Variants in SLC13A2 observed in about 807,000 individuals in gnomAD.
The protein encoded by SLC13A2 is Na(+)-coupled citrate transporter.
In SLC13A2, 40 loss-of-function variants were observed where a neutral mutation model predicts 58.5. The ratio of observed to expected loss-of-function variants is 0.68; its 90% CI spans 0.53 to 0.89. SLC13A2 has a LOEUF of 0.89. Ranked by LOEUF, SLC13A2 falls within the 40% of genes least tolerant of loss-of-function variation. The pLI is 0.00. For missense variants in SLC13A2, 694 were observed against 772.6 expected (o/e 0.90, Z 1.21); for synonymous variants, 341 against 331.6 (o/e 1.03, Z -0.31).
At chr17:28,480,807 G>A (rs931119935) in intron 1 of SLC13A2, among the ~76,000 whole-genome samples, 3 of 152,156 alleles carry the variant, frequency 2.0e-5, no homozygotes, top group Admixed American at 6.5e-5. Context: ...GTTCAAATGG[G>A]CTCTTGTGCT....
Position 28,477,186 on chromosome 17 carries a change from G to GTTTTTTTTT in SLC13A2, c.102+3378_102+3379insTTTTTTTTT, listed in dbSNP as rs1251199584. ...AAAAAAACAAATAAAAAACACCCAA[G>GTTTTTTTTT]TTTTTTGTTTTTTTTTTTTTTTTTT... On this transcript the variant is annotated intron_variant, in intron 1 of 11. Coordinates refer to ENST00000314669, the MANE Select transcript of SLC13A2 (RefSeq NM_003984.4). Among the ~76,000 whole-genome samples, 5 of 119,430 alleles carry GTTTTTTTTT rather than the reference G, an allele frequency of 4.2e-5. 1 individual carries two copies. Among genetic ancestry groups the GTTTTTTTTT allele is most frequent in the Non-Finnish European group, 8.6e-5 (5 of 57,894 alleles). The allele number at this position is 119,430 out of a possible 152,430, so 78.4% of individuals were successfully genotyped here.
chr17:28,477,840 C>T (rs2068716655), intron 1 of SLC13A2, among the ~76,000 whole-genome samples: 1 of 152,022 alleles, frequency 6.6e-6, no homozygotes, highest in Non-Finnish European at 1.5e-5. Context: ...GGCAGATCAC[C>T]TGAGGTCAGG....
intron 1 of SLC13A2, among the ~76,000 whole-genome samples, chr17:28,484,333 C>T (rs1358362626): frequency 1.3e-5 from 2 of 152,086 alleles, no homozygotes; most frequent in Non-Finnish European, 2.9e-5. Flanking sequence ...ATCTCAAGAA[C>T]CAGTAGATAT....
Position 28,491,523 on chromosome 17 carries a change from A to C in SLC13A2, c.661A>C (p.Met221Leu). ...GAAGCATCTCCACCTCACCCAGTGC[A>C]TGAGCCTGTGCGTGTGCTACTCCGC... is the stretch of plus-strand genomic sequence containing the variant. Reference protein sequence around the residue: ...SQKHLHLTQCMSLCVCYSASI... With the variant: ...SQKHLHLTQCLSLCVCYSASI... Residue 221 changes from methionine (M) to leucine (L), a missense_variant, in exon 5 of 12, where the codon ATG becomes CTG. By Grantham distance (15) the Met-to-Leu change is conservative. Coordinates refer to ENST00000314669, the MANE Select transcript of SLC13A2 (RefSeq NM_003984.4). The C allele has an allele frequency of 1.2e-6, 2 of 1,613,810 alleles. No individual in the cohort carries two copies. The highest frequency in any genetic ancestry group is 1.7e-6 in the Non-Finnish European group (2 of 1,180,040).
chr17:28,495,802 A>T lies in SLC13A2; in HGVS notation c.1456A>T (p.Ile486Phe). 3 of 1,612,900 alleles carry T rather than the reference A, an allele frequency of 1.9e-6. No individual in the cohort carries two copies. The highest frequency in any genetic ancestry group is 2.5e-6 in the Non-Finnish European group (3 of 1,179,670). The change falls in exon 10 of 12, where the codon ATC (isoleucine) becomes TTC (phenylalanine). Residue 486 changes from isoleucine (I) to phenylalanine (F), a missense_variant. Physicochemically the swap from Ile to Phe is conservative, Grantham distance 21. Coordinates refer to ENST00000314669, the MANE Select transcript of SLC13A2 (RefSeq NM_003984.4). ...GGCCACCACTACGATCTTCCTGCCC[A>T]TCCTAGCCTCCATGGTGAGCTGGCC... ...NVATTTIFLP[I>F]LASMAQAICL...
chr17:28,481,005 A>G (rs1555601028), intron 1 of SLC13A2, among the ~76,000 whole-genome samples: 1 of 152,188 alleles, frequency 6.6e-6, no homozygotes, highest in African/African-American at 2.4e-5. Flanking sequence ...CCTGGCGTAG[A>G]GTCCCCAACT....
chr17:28,482,005 G>A (rs559634270), intron 1 of SLC13A2, among the ~76,000 whole-genome samples: 7 of 151,968 alleles, frequency 4.6e-5, no homozygotes, highest in African/African-American at 1.2e-4. Context: ...AAAAGTTAAG[G>A]GTTTGTTTGT....
rs1371027101 is a variant in SLC13A2 at position 28,496,159 on chromosome 17, C to T, written c.1471-291C>T. On this transcript the variant is annotated intron_variant, in intron 10 of 11. Coordinates refer to ENST00000314669, the MANE Select transcript of SLC13A2 (RefSeq NM_003984.4). The surrounding 1 kb of genome is among the most constrained non-coding windows in gnomAD (Gnocchi z 4.2). The stretch of plus-strand genomic sequence containing the variant: ...CGTCCCAAGCCCCTTCCTCCCCAGG[C>T]GTGTTCCTGCAGCCTTTGATGACAC... Among the ~76,000 whole-genome samples, 4 of 152,142 alleles carry T rather than the reference C, an allele frequency of 2.6e-5. No homozygotes were observed. Among genetic ancestry groups the T allele is most frequent in the African/African-American group, 9.7e-5 (4 of 41,436 alleles).
intron 1 of SLC13A2, among the ~76,000 whole-genome samples, chr17:28,480,363 T>C (rs2068763005): frequency 6.6e-6 from 1 of 152,120 alleles, no homozygotes; most frequent in African/African-American, 2.4e-5. Context: ...AAAATACTCT[T>C]AGTGCAAGCT....
chr17:28,478,207 G>A (rs2068725923), intron 1 of SLC13A2, among the ~76,000 whole-genome samples: 1 of 152,236 alleles, frequency 6.6e-6, no homozygotes, highest in Non-Finnish European at 1.5e-5. Flanking sequence ...TGGTGTTGGA[G>A]TCTCTGCCTG....
intron 4 of SLC13A2, 23 bp downstream of exon 4, chr17:28,490,929 C>G (rs1555603266): frequency 1.1e-5 from 18 of 1,588,590 alleles, no homozygotes; most frequent in Non-Finnish European, 1.5e-5. Context: ...AGGCTAGACT[C>G]TGCCCCAACC....
chr17:28,481,386 T>C (rs2068782270), intron 1 of SLC13A2, among the ~76,000 whole-genome samples: 1 of 151,948 alleles, frequency 6.6e-6, no homozygotes, highest in East Asian at 1.9e-4. Context: ...AAGCAAAGGG[T>C]AGGAAGAGTC....
intron 1 of SLC13A2, among the ~76,000 whole-genome samples, chr17:28,481,188 G>T (rs1476006393): frequency 6.6e-6 from 1 of 152,236 alleles, no homozygotes; most frequent in Non-Finnish European, 1.5e-5. Flanking sequence ...CTTGCATTTT[G>T]CTCTTTAGTG....
In SLC13A2 at chr17:28,494,236, A is replaced by C. The variant is rs2069093858; in HGVS notation, c.1186+131A>C. 20 of 1,489,194 alleles carry C rather than the reference A, an allele frequency of 1.3e-5. No homozygotes were observed. The highest frequency in any genetic ancestry group is 1.8e-5 in the Non-Finnish European group (19 of 1,076,140). 92.2% of individuals were successfully genotyped at this position (1,489,194 alleles called of 1,614,324 possible). The stretch of plus-strand genomic sequence containing the variant: ...GGCTGGAGCGACTTGCCAAGGGCAC[A>C]GGGACTCGGAGACAAAGTTGAGATG... On this transcript the variant is annotated intron_variant, in intron 8 of 11. Transcript: ENST00000314669. This position sits in a 1 kb window ranked among gnomAD's most constrained non-coding sequence, Gnocchi z 4.0.
At chr17:28,481,407 C>T (rs1442832701) in intron 1 of SLC13A2, among the ~76,000 whole-genome samples, 3 of 152,196 alleles carry the variant, frequency 2.0e-5, no homozygotes, top group Non-Finnish European at 4.4e-5. Flanking sequence ...ACCGCCATCA[C>T]GTGCAACTTG....
intron 9 of SLC13A2, 120 bp from the exon 10 acceptor site, chr17:28,495,535 G>C (rs1169763027): frequency 2.0e-6 from 2 of 1,021,792 alleles, no homozygotes; most frequent in Non-Finnish European, 2.9e-6. Context: ...CTTTAGAGCT[G>C]TCTTTGACTC....
chr17:28,496,129 C>T lies in SLC13A2; in HGVS notation c.1470+313C>T, dbSNP rs1356002065. 3.9e-5 allele frequency among the ~76,000 whole-genome samples: 6 copies of T among 152,118 alleles called. No individual in the cohort carries two copies. Among genetic ancestry groups the T allele is most frequent in the Non-Finnish European group, 2.9e-5 (2 of 68,010 alleles). ...GAGGTGACGGGGTGAAATTGCTCCC[C>T]GAAGCGTCCCAAGCCCCTTCCTCCC... On this transcript the variant is annotated intron_variant, in intron 10 of 11. Coordinates refer to ENST00000314669, the MANE Select transcript of SLC13A2 (RefSeq NM_003984.4). This position sits in a 1 kb window ranked among gnomAD's most constrained non-coding sequence, Gnocchi z 4.2.
chr17:28,489,148 C>G, intron 1 of SLC13A2, 66 bp from the exon 2 acceptor site: 2 of 1,571,402 alleles, frequency 1.3e-6, no homozygotes, highest in Non-Finnish European at 8.6e-7. Context: ...GTCTGACAGA[C>G]AGGAGGTGGC....
chr17:28,490,698 T>A lies in SLC13A2; in HGVS notation c.369-3T>A, dbSNP rs1042407124. On this transcript the variant is annotated splice_region_variant and splice_polypyrimidine_tract_variant and intron_variant, in intron 3 of 11. Coordinates refer to ENST00000314669, the MANE Select transcript of SLC13A2 (RefSeq NM_003984.4). ...AGCAGTGTGTCTGTCTGCCCATCCCTAGGCTAATCCTGGGCTTCATGCTGG... is the reference window on the plus strand; with the variant it reads ...AGCAGTGTGTCTGTCTGCCCATCCCAAGGCTAATCCTGGGCTTCATGCTGG... 2 of 1,610,956 alleles carry A rather than the reference T, an allele frequency of 1.2e-6. No homozygotes were observed. Among genetic ancestry groups the A allele is most frequent in the Non-Finnish European group, 8.5e-7 (1 of 1,177,668 alleles).
Sources: gnomAD v4.1 joint callset for allele counts (sites outside exome capture counted in the v4.1 genomes callset) on GRCh38, gnomAD v4.1.1 for gene constraint, Gnocchi (gnomAD v3.1) non-coding constraint, MANE v1.5 for transcripts, NCBI Gene and HGNC (gene_info 2026-07-23, HGNC 2026-07-21) for gene names.